Variants in SULF2 observed in about 807,000 individuals in gnomAD.
SULF2 encodes extracellular sulfatase Sulf-2.
Under a neutral mutation model 107.7 loss-of-function variants are expected in SULF2, and 52 were observed. That is an observed-to-expected ratio of 0.48 (90% CI 0.39 to 0.61). The LOEUF is 0.61. Among genes scored for constraint, SULF2 ranks in the 20% least tolerant of loss-of-function variants. The pLI, the probability that SULF2 is intolerant of heterozygous loss-of-function variation, is 0.00. For synonymous variants in SULF2, 460 were observed against 464.3 expected (o/e 0.99, Z 0.12); for missense variants, 993 against 1,177.3 (o/e 0.84, Z 2.29).
In SULF2 at chr20:47,658,365, A is replaced by G; in HGVS notation, c.2610T>C (p.Gly870=). ...GGAGGTCCACCTCTGTTGTTTCTTAACCTTCCCAGCCTTCCCACAGTTGTC... is the reference window on the plus strand; with the variant it reads ...GGAGGTCCACCTCTGTTGTTTCTTAGCCTTCCCAGCCTTCCCACAGTTGTC... The part of the protein sequence containing the change: ...SLGQLWEGWE[G] Residue 870 remains glycine, a synonymous_variant, in exon 21 of 21, where the codon GGT becomes GGC. Coordinates refer to ENST00000688720, the MANE Select transcript of SULF2 (RefSeq NM_001387048.1). 2 of 1,614,030 alleles carry G rather than the reference A, an allele frequency of 1.2e-6. No individual in the cohort carries two copies. The highest frequency in any genetic ancestry group is 1.7e-6 in the Non-Finnish European group (2 of 1,179,972).
At chr20:47,676,305 G>A (rs1349069355) in intron 10 of SULF2, among the ~76,000 whole-genome samples, 189 bp downstream of exon 10, 3 of 152,236 alleles carry the variant, frequency 2.0e-5, no homozygotes, top group African/African-American at 7.2e-5. Flanking sequence ...AAAGGCTGCT[G>A]AGAAATGAAT....
At chr20:47,668,250 G>A (rs552085086) in intron 11 of SULF2, among the ~76,000 whole-genome samples, 44 of 152,314 alleles carry the variant, frequency 2.9e-4, no homozygotes, top group African/African-American at 1.0e-3. Context: ...ATGGCCTAAG[G>A]GCCCAGGCCA....
intron 3 of SULF2, among the ~76,000 whole-genome samples, chr20:47,713,654 G>C (rs1252797105): frequency 6.6e-6 from 1 of 152,026 alleles, no homozygotes; most frequent in Non-Finnish European, 1.5e-5. Context: ...GGAGGCCAAA[G>C]TAGGAGGATC....
intron 3 of SULF2, among the ~76,000 whole-genome samples, chr20:47,719,919 T>G (rs1283951947): frequency 1.3e-5 from 2 of 152,224 alleles, no homozygotes; most frequent in African/African-American, 2.4e-5. Flanking sequence ...ATGTTACCAG[T>G]AATGGCAATA....
chr20:47,785,791 G>A (rs2090922564), upstream of SULF2: 1 of 149,512 alleles, frequency 6.7e-6, no homozygotes, highest in African/African-American at 2.4e-5. Flanking sequence ...GGGGGGCCCA[G>A]CCGCGGTGCC....
At chr20:47,704,419 C>T (rs888642617) in intron 3 of SULF2, among the ~76,000 whole-genome samples, 5 of 152,014 alleles carry the variant, frequency 3.3e-5, no homozygotes, top group African/African-American at 4.8e-5. Flanking sequence ...ACTACAGGCG[C>T]ATGCCACCAT....
intron 3 of SULF2, among the ~76,000 whole-genome samples, chr20:47,721,456 C>T (rs1053979918): frequency 3.3e-5 from 5 of 152,060 alleles, no homozygotes; most frequent in Admixed American, 2.6e-4. Context: ...GCAACCTCTG[C>T]CTCCCGGGTT....
chr20:47,658,876 G>GA (rs2146367844), intron 20 of SULF2, among the ~76,000 whole-genome samples: 1 of 152,276 alleles, frequency 6.6e-6, no homozygotes, highest in Admixed American at 6.5e-5. Context: ...TTTGGTAGAC[G>GA]AATGAGAAAA....
intron 1 of SULF2, among the ~76,000 whole-genome samples, chr20:47,771,451 A>G (rs1157977897): frequency 6.6e-6 from 1 of 152,176 alleles, no homozygotes; most frequent in Non-Finnish European, 1.5e-5. Context: ...CTTATTTTTA[A>G]GTAGAAAGGA....
chr20:47,737,755 G>GTTTTTTTTTTTTTT (rs11484375), intron 2 of SULF2, among the ~76,000 whole-genome samples: 9 of 61,838 alleles, frequency 1.5e-4, no homozygotes, highest in Non-Finnish European at 2.1e-4. Flanking sequence ...TCTTTTCTTT[G>GTTTTTTTTTTTTTT]TTTTTTTTTT....
intron 5 of SULF2, among the ~76,000 whole-genome samples, chr20:47,688,285 T>C (rs1237063832): frequency 6.6e-6 from 1 of 152,196 alleles, no homozygotes; most frequent in Non-Finnish European, 1.5e-5. Context: ...TTTTGGTTTC[T>C]TTCGGAAATG....
intron 4 of SULF2, among the ~76,000 whole-genome samples, chr20:47,699,570 T>A (rs2088496606): frequency 6.6e-6 from 1 of 151,994 alleles, no homozygotes; most frequent in African/African-American, 2.4e-5. Flanking sequence ...ACGTAATATG[T>A]GTCAAGGTTG....
chr20:47,700,119 T>C (rs1343747439), intron 4 of SULF2, among the ~76,000 whole-genome samples: 1 of 152,198 alleles, frequency 6.6e-6, no homozygotes, highest in Non-Finnish European at 1.5e-5. Context: ...CAGGAAGATT[T>C]GTTCATTTCC....
intron 10 of SULF2, among the ~76,000 whole-genome samples, chr20:47,674,392 T>C (rs543191461): frequency 2.2e-4 from 34 of 152,348 alleles, no homozygotes; most frequent in Middle Eastern, 3.4e-3. Flanking sequence ...GCTGTGAGGC[T>C]GTGGGCAGTT....
At chr20:47,745,400 AAAAAAAAAAAATATATAT>A (rs2089996092) in intron 2 of SULF2, among the ~76,000 whole-genome samples, 5 of 30,532 alleles carry the variant, frequency 1.6e-4, no homozygotes, top group Admixed American at 5.7e-4. Flanking sequence ...AAAAAAAAAA[AAAAAAAAAAAATATATAT>A]ATATATATAT....
intron 3 of SULF2, among the ~76,000 whole-genome samples, chr20:47,713,493 G>GGA: frequency 6.6e-6 from 1 of 152,236 alleles, no homozygotes; most frequent in East Asian, 1.9e-4. Context: ...CAGAGTCAGA[G>GGA]GACTCTGACT....
At chr20:47,783,717 C>T (rs1031402445) in intron 1 of SULF2, among the ~76,000 whole-genome samples, 1 of 152,198 alleles carries the variant, frequency 6.6e-6, no homozygotes, top group African/African-American at 2.4e-5. Flanking sequence ...GCCAACATCA[C>T]GGCCTTTATG....
intron 5 of SULF2, 70 bp from the exon 6 acceptor site, chr20:47,684,651 C>A (rs930016720): frequency 9.7e-6 from 15 of 1,540,864 alleles, no homozygotes; most frequent in African/African-American, 1.4e-5. Context: ...CCCCGCCAGA[C>A]CCGCCCGGAT....
chr20:47,685,016 G>A (rs2087951039), intron 5 of SULF2: 1 of 155,468 alleles, frequency 6.4e-6, no homozygotes, highest in African/African-American at 2.4e-5. Flanking sequence ...TGCTTTGTGT[G>A]CCTTGTACCT....
Sources: allele counts gnomAD v4.1 joint callset (sites outside exome capture counted in the v4.1 genomes callset), GRCh38; gene constraint gnomAD v4.1.1; transcripts MANE v1.5; gene names NCBI Gene and HGNC (gene_info 2026-07-23, HGNC 2026-07-21).